The following NOL4L variants were observed in gnomAD, a reference collection of about 807,000 sequenced individuals.
NOL4L encodes nucleolar protein 4 like, also known as nucleolar protein 4-like.
Under a neutral mutation model 64.5 loss-of-function variants are expected in NOL4L, and 7 were observed. That is an observed-to-expected ratio of 0.11 (90% CI 0.06 to 0.20). The LOEUF is 0.20. Among genes scored for constraint, NOL4L ranks in the 10% least tolerant of loss-of-function variants. The pLI is 1.00. For synonymous variants in NOL4L, 413 were observed against 401.0 expected (o/e 1.03, Z -0.36); for missense variants, 680 against 967.1 (o/e 0.70, Z 3.94).
chr20:32,509,343 C>T (rs961183657), intron 4 of NOL4L, among the ~76,000 whole-genome samples: 4 of 151,792 alleles, frequency 2.6e-5, no homozygotes, highest in Admixed American at 2.0e-4. Flanking sequence ...CATGAGGAAA[C>T]CCTGTCTCTA....
intron 1 of NOL4L, among the ~76,000 whole-genome samples, chr20:32,563,307 G>C (rs1039598732): frequency 5.2e-5 from 7 of 133,978 alleles, no homozygotes; most frequent in Admixed American, 3.0e-4. Flanking sequence ...GGAGGGTAGA[G>C]AACAGGGAGG....
At chr20:32,557,273 T>C (rs1466473095) in intron 1 of NOL4L, among the ~76,000 whole-genome samples, 1 of 152,242 alleles carries the variant, frequency 6.6e-6, no homozygotes, top group Non-Finnish European at 1.5e-5. Flanking sequence ...TGGAGTCCCA[T>C]TGATTTGAGT....
chr20:32,485,592 C>T (rs2016056141), intron 4 of NOL4L: 2 of 351,590 alleles, frequency 5.7e-6, no homozygotes, highest in South Asian at 4.4e-5. Flanking sequence ...AACCAATTCA[C>T]TCTCCCCAGT....
intron 1 of NOL4L, among the ~76,000 whole-genome samples, chr20:32,573,428 G>A (rs558713816): frequency 6.6e-6 from 1 of 151,988 alleles, no homozygotes; most frequent in Non-Finnish European, 1.5e-5. Flanking sequence ...GCCAGTCTGA[G>A]CTCCAGAGAC....
rs1600605799 is a variant in NOL4L at position 32,446,335 on chromosome 20, G to T, written c.*1261C>A. 6.6e-6 allele frequency: 1 copy of T among 152,394 alleles called. No homozygotes were observed. The highest frequency in any genetic ancestry group is 1.5e-5 in the Non-Finnish European group (1 of 68,064). 9.4% of individuals were successfully genotyped at this position (152,394 alleles called of 1,614,324 possible). On this transcript the variant is annotated 3_prime_UTR_variant, in exon 11 of 11. Transcript: ENST00000621426. The stretch of plus-strand genomic sequence containing the variant: ...TCTTCCAGGACCGGCCCCTCCGGAA[G>T]GGCTGGTCTTAGGAGAACCCAAGTG...
intron 2 of NOL4L, 28 bp downstream of exon 2, chr20:32,527,730 A>C: frequency 2.0e-6 from 3 of 1,533,974 alleles, no homozygotes; most frequent in Non-Finnish European, 2.6e-6. Flanking sequence ...TGGGGCTGCC[A>C]GTGGAGGCAA....
chr20:32,541,008 T>TAC (rs10675320), intron 1 of NOL4L, among the ~76,000 whole-genome samples: 27,062 of 133,306 alleles, frequency 0.2, 3,262 homozygotes, highest in Middle Eastern at 0.39. Context: ...CGCCACCCCC[T>TAC]ACACACACAC....
chr20:32,488,827 T>TTTTCTTTCTTTCTTTC lies in NOL4L; in HGVS notation c.700-14101_700-14086dup, dbSNP rs1175303976. On this transcript the variant is annotated intron_variant, in intron 4 of 10. Coordinates refer to ENST00000621426, the MANE Select transcript of NOL4L (RefSeq NM_001256798.2). The stretch of plus-strand genomic sequence containing the variant: ...TCTTTTTCTTTCTTTCTTTCTTTCT[T>TTTTCTTTCTTTCTTTC]TTTCTTTCTTTCTTTCTTTCTTTCT... Among the ~76,000 whole-genome samples, 77 of 33,134 alleles carry TTTTCTTTCTTTCTTTC rather than the reference T, an allele frequency of 2.3e-3. 2 individuals are homozygous for TTTTCTTTCTTTCTTTC. Among genetic ancestry groups the TTTTCTTTCTTTCTTTC allele is most frequent in the Non-Finnish European group, 3.2e-3 (61 of 18,860 alleles). The allele number at this position is 33,134 out of a possible 152,430, so 21.7% of individuals were successfully genotyped here.
chr20:32,558,703 G>A (rs541943716), intron 1 of NOL4L, among the ~76,000 whole-genome samples: 1 of 152,332 alleles, frequency 6.6e-6, no homozygotes, highest in South Asian at 2.1e-4. Context: ...GGGGCCAGAG[G>A]GTCAGCGGTG....
chr20:32,448,177 A>C (rs1247109449), intron 10 of NOL4L, among the ~76,000 whole-genome samples: 2 of 152,188 alleles, frequency 1.3e-5, no homozygotes, highest in Non-Finnish European at 2.9e-5. Context: ...GTGCTAAAAG[A>C]AAGCCTCTGC....
intron 1 of NOL4L, among the ~76,000 whole-genome samples, chr20:32,584,170 C>CACACACACA (rs1980731726): frequency 6.9e-6 from 1 of 145,608 alleles, no homozygotes; most frequent in African/African-American, 2.6e-5. Flanking sequence ...CACACACACA[C>CACACACACA]CGCCCAGCCG....
chr20:32,584,272 G>T (rs1980742339), intron 1 of NOL4L, among the ~76,000 whole-genome samples: 1 of 151,358 alleles, frequency 6.6e-6, no homozygotes, highest in African/African-American at 2.4e-5. Context: ...CTGCTGGCGG[G>T]GGGAGGGGAC....
chr20:32,537,350 T>A (rs2018564110), intron 1 of NOL4L, among the ~76,000 whole-genome samples: 1 of 152,128 alleles, frequency 6.6e-6, no homozygotes, highest in African/African-American at 2.4e-5. Flanking sequence ...CTGCTGTGGC[T>A]CCGGGGCCTC....
At chr20:32,579,199 T>C (rs1007920127) in intron 1 of NOL4L, among the ~76,000 whole-genome samples, 1 of 152,144 alleles carries the variant, frequency 6.6e-6, no homozygotes, top group Non-Finnish European at 1.5e-5. Context: ...GGTGCTCACA[T>C]AGATGCCGAC....
chr20:32,507,525 C>T (rs2017184835), intron 4 of NOL4L, among the ~76,000 whole-genome samples: 1 of 152,196 alleles, frequency 6.6e-6, no homozygotes, highest in East Asian at 1.9e-4. Context: ...AACTGGCCTA[C>T]AAGTAACATG....
At chr20:32,471,578 A>G (rs2015024162) in intron 5 of NOL4L, among the ~76,000 whole-genome samples, 1 of 152,206 alleles carries the variant, frequency 6.6e-6, no homozygotes, top group Non-Finnish European at 1.5e-5. Flanking sequence ...TGGCTCCCTG[A>G]AATCACTCCT....
At chr20:32,466,533 G>C (rs2014572219) in intron 5 of NOL4L, among the ~76,000 whole-genome samples, 1 of 152,178 alleles carries the variant, frequency 6.6e-6, no homozygotes, top group Non-Finnish European at 1.5e-5. Flanking sequence ...CCAATCCCTG[G>C]AAGGCTTGGG....
At chr20:32,486,595 T>G in intron 4 of NOL4L, 1 of 399,282 alleles carries the variant, frequency 2.5e-6, no homozygotes, top group Admixed American at 3.1e-5. Context: ...ACAAATAGGA[T>G]CTTAGCGTGA....
At chr20:32,468,980 C>T (rs193126894) in intron 5 of NOL4L, among the ~76,000 whole-genome samples, 6 of 151,274 alleles carry the variant, frequency 4.0e-5, no homozygotes, top group Non-Finnish European at 5.9e-5. Flanking sequence ...GTGGCCAAAA[C>T]GCTGGCTCTG....
Sources: gnomAD v4.1 joint callset for allele counts (sites outside exome capture counted in the v4.1 genomes callset) on GRCh38, gnomAD v4.1.1 for gene constraint, MANE v1.5 for transcripts, NCBI Gene and HGNC (gene_info 2026-07-23, HGNC 2026-07-21) for gene names.